The following CACNA2D3 variants were observed in gnomAD, a reference collection of about 807,000 sequenced individuals.
CACNA2D3 encodes voltage-dependent calcium channel subunit alpha-2/delta-3.
CACNA2D3 carries 60 observed loss-of-function variants against 160.6 expected under a neutral mutation model. The observed-to-expected ratio is 0.37, with a 90% CI of 0.30 to 0.46. CACNA2D3 has a LOEUF of 0.46. Among genes scored for constraint, CACNA2D3 ranks in the 20% least tolerant of loss-of-function variants. CACNA2D3 has a pLI of 1.00. For synonymous variants in CACNA2D3, 558 were observed against 492.9 expected (o/e 1.13, Z -1.75); for missense variants, 1,205 against 1,365.0 (o/e 0.88, Z 1.85).
chr3:55,001,219 C>T (rs1342807510), intron 31 of CACNA2D3, among the ~76,000 whole-genome samples: 1 of 152,176 alleles, frequency 6.6e-6, no homozygotes, highest in Non-Finnish European at 1.5e-5. Context: ...TGATGGTGTC[C>T]TTGTATTGCA....
chr3:54,437,737 A>G (rs1324272765), intron 4 of CACNA2D3, among the ~76,000 whole-genome samples: 1 of 151,960 alleles, frequency 6.6e-6, no homozygotes, highest in East Asian at 1.9e-4. Flanking sequence ...TCCTTTCTTC[A>G]CTCTCTTTAT....
intron 10 of CACNA2D3, among the ~76,000 whole-genome samples, chr3:54,630,255 A>G (rs949242103): frequency 3.3e-5 from 5 of 151,806 alleles, no homozygotes; most frequent in Non-Finnish European, 7.4e-5. Context: ...CTCTAGACAC[A>G]GCTCCCACTA....
At position 54,570,008 on chromosome 3, in the gene CACNA2D3, T is replaced by C. The variant is rs1702468656; in HGVS notation, c.792T>C (p.Ser264=). 4 of 1,613,994 alleles carry C rather than the reference T, an allele frequency of 2.5e-6. No homozygotes were observed. In the East Asian group the frequency reaches 8.9e-5, roughly 36 times the overall value. The change falls in exon 8 of 38, where the codon AGT becomes AGC. Residue 264 remains serine (S), a synonymous_variant. Coordinates refer to ENST00000474759, the MANE Select transcript of CACNA2D3 (RefSeq NM_018398.3). ...PKDVVILVDV[S]GSMKGLRLTI... is the part of the protein sequence containing the mutation. ...ACGTGGTCATTTTAGTTGACGTCAGTGGCAGCATGAAAGGACTCCGTCTGA... is the reference window on the plus strand; with the variant it reads ...ACGTGGTCATTTTAGTTGACGTCAGCGGCAGCATGAAAGGACTCCGTCTGA...
chr3:54,268,508 C>T (rs1389246754), intron 2 of CACNA2D3, among the ~76,000 whole-genome samples: 3 of 152,180 alleles, frequency 2.0e-5, no homozygotes, highest in African/African-American at 7.2e-5. Context: ...CTCCTGGGTT[C>T]AAGCGATTCT....
chr3:54,127,934 GT>G (rs1699628861), intron 2 of CACNA2D3, among the ~76,000 whole-genome samples: 1 of 144,862 alleles, frequency 6.9e-6, no homozygotes, highest in Non-Finnish European at 1.5e-5. Flanking sequence ...CCTTTAACTT[GT>G]TTTTTTTCTC....
chr3:54,360,754 T>A (rs1698728064), intron 3 of CACNA2D3, among the ~76,000 whole-genome samples: 1 of 152,134 alleles, frequency 6.6e-6, no homozygotes. Context: ...TATATATCAT[T>A]CATAATGTAA....
Position 54,885,303 on chromosome 3 carries a change from C to G in CACNA2D3, c.1935C>G (p.Pro645=), listed in dbSNP as rs779247207. 1 of 1,613,890 alleles carries G rather than the reference C, an allele frequency of 6.2e-7. No homozygotes were observed. The highest frequency in any genetic ancestry group is 8.5e-7 in the Non-Finnish European group (1 of 1,179,840). Residue 645 remains proline, a synonymous_variant, in exon 22 of 38, where the codon CCC becomes CCG. Coordinates refer to ENST00000474759, the MANE Select transcript of CACNA2D3 (RefSeq NM_018398.3). The part of the protein sequence containing the change: ...IEEGLHDLEH[P]DVSLADEWSY... Reference sequence around the variant, plus strand: ...CAGGCCTGCATGACTTAGAACATCCCGATGTGTCCTTGGCAGATGAATGGT... The same window carrying G: ...CAGGCCTGCATGACTTAGAACATCCGGATGTGTCCTTGGCAGATGAATGGT...
At chr3:55,024,349 GT>G (rs1703519561) in intron 35 of CACNA2D3, among the ~76,000 whole-genome samples, 1 of 151,878 alleles carries the variant, frequency 6.6e-6, no homozygotes, top group Admixed American at 6.6e-5. Context: ...TCAGTAAACA[GT>G]CACATGTAAC....
At chr3:54,813,117 A>G (rs1377201492) in intron 13 of CACNA2D3, among the ~76,000 whole-genome samples, 1 of 152,208 alleles carries the variant, frequency 6.6e-6, no homozygotes. Flanking sequence ...GTAAACCCAC[A>G]GCACACCACA....
At chr3:54,498,120 C>T (rs1701231394) in intron 4 of CACNA2D3, among the ~76,000 whole-genome samples, 1 of 150,866 alleles carries the variant, frequency 6.6e-6, no homozygotes, top group African/African-American at 2.4e-5. Context: ...AGTATTTTCT[C>T]CTCTAATTTT....
intron 13 of CACNA2D3, among the ~76,000 whole-genome samples, chr3:54,764,580 A>G (rs1575464479): frequency 1.3e-5 from 2 of 152,306 alleles, no homozygotes; most frequent in Middle Eastern, 3.4e-3. Flanking sequence ...CACAAAAGAA[A>G]TCACGTTTTG....
At chr3:54,368,456 A>C (rs1466797760) in intron 3 of CACNA2D3, among the ~76,000 whole-genome samples, 1 of 152,136 alleles carries the variant, frequency 6.6e-6, no homozygotes, top group Non-Finnish European at 1.5e-5. Flanking sequence ...AGAAAGAAAG[A>C]GAAGGGGAGA....
rs192375358 is a variant in CACNA2D3 at position 55,025,628 on chromosome 3, T to C, written c.2987+7311T>C. 4.3e-3 allele frequency among the ~76,000 whole-genome samples: 463 copies of C among 108,908 alleles called. 11 individuals are homozygous for C. The highest frequency in any genetic ancestry group is 1.7e-3 in the Non-Finnish European group (101 of 58,094). 71.4% of individuals were successfully genotyped at this position (108,908 alleles called of 152,430 possible). A position where few individuals can be genotyped will look rare whatever the true frequency, so the allele number is the denominator to read the frequency against. The stretch of plus-strand genomic sequence containing the variant: ...CAGCCTGGGTGACAGAATGAGACTC[T>C]ATCTCCAAAAAAAAAAAAAAAAAAA... On this transcript the variant is annotated intron_variant, in intron 35 of 37. Coordinates refer to ENST00000474759, the MANE Select transcript of CACNA2D3 (RefSeq NM_018398.3).
chr3:54,563,049 T>G (rs1199758946), intron 6 of CACNA2D3, 118 bp downstream of exon 6: 1 of 981,990 alleles, frequency 1.0e-6, no homozygotes, highest in Non-Finnish European at 1.5e-6. Context: ...AAATGAAAGA[T>G]GAATTCCAAA....
chr3:54,494,621 G>A (rs1321468695), intron 4 of CACNA2D3, among the ~76,000 whole-genome samples: 2 of 152,142 alleles, frequency 1.3e-5, no homozygotes, highest in South Asian at 2.1e-4. Flanking sequence ...TATGTGAAGC[G>A]CTTTGGTCTA....
At chr3:55,058,103 C>T (rs549796826) in intron 35 of CACNA2D3, among the ~76,000 whole-genome samples, 44 of 152,256 alleles carry the variant, frequency 2.9e-4, no homozygotes, top group African/African-American at 6.5e-4. Flanking sequence ...GTCTCTACCA[C>T]GGTACTCACA....
At chr3:54,327,467 G>C (rs1704142759) in intron 3 of CACNA2D3, among the ~76,000 whole-genome samples, 1 of 152,142 alleles carries the variant, frequency 6.6e-6, no homozygotes, top group Admixed American at 6.5e-5. Context: ...TTTGTGGGTA[G>C]AACCATTGCA....
intron 10 of CACNA2D3, among the ~76,000 whole-genome samples, chr3:54,640,419 G>C (rs1435183629): frequency 6.6e-6 from 1 of 152,102 alleles, no homozygotes; most frequent in Non-Finnish European, 1.5e-5. Flanking sequence ...AAAGGACATG[G>C]TATTACTTTC....
intron 4 of CACNA2D3, among the ~76,000 whole-genome samples, chr3:54,488,277 G>C (rs913812578): frequency 1.3e-5 from 2 of 152,158 alleles, no homozygotes; most frequent in Admixed American, 6.5e-5. Context: ...CTACGGGGCA[G>C]AGGGAAGCAA....
Sources: gnomAD v4.1 joint callset for allele counts (sites outside exome capture counted in the v4.1 genomes callset) on GRCh38, gnomAD v4.1.1 for gene constraint, MANE v1.5 for transcripts, NCBI Gene and HGNC (gene_info 2026-07-23, HGNC 2026-07-21) for gene names.